The following PTPN4 variants were observed in gnomAD, a reference collection of about 807,000 sequenced individuals.
PTPN4 encodes the protein protein tyrosine phosphatase non-receptor type 4.
Under a neutral mutation model 135.5 loss-of-function variants are expected in PTPN4, and 49 were observed. That is an observed-to-expected ratio of 0.36 (90% CI 0.29 to 0.46). The LOEUF is 0.46. Ranked by LOEUF, PTPN4 falls within the 20% of genes least tolerant of loss-of-function variation. The probability of loss-of-function intolerance (pLI) is 1.00; values close to 1 mark genes in which losing one functional copy is unlikely to be tolerated. For missense variants in PTPN4, 860 were observed against 1,101.0 expected, an observed-to-expected ratio of 0.78 and a Z score of 3.10; for synonymous variants, 333 against 369.9, an observed-to-expected ratio of 0.90 and a Z score of 1.14.
rs776397158 is a variant in PTPN4 at position 119,932,545 on chromosome 2, A to G, written c.1192A>G (p.Asn398Asp). The change falls in exon 14 of 27, where the codon AAT (asparagine) becomes GAT (aspartate). Residue 398 changes from asparagine (N) to aspartate (D), a missense_variant. Coordinates refer to ENST00000263708, the MANE Select transcript of PTPN4 (RefSeq NM_002830.4). ...LPSRSPPGTPNHRNSTFTQEG... is the reference protein window; with the variant it reads ...LPSRSPPGTPDHRNSTFTQEG... ...ATCACGATCTCCACCGGGAACTCCT[A>G]ATCAGTAAGTGTGAATTTTGTGACC... is the stretch of plus-strand genomic sequence containing the variant. 5.0e-6 allele frequency: 8 copies of G among 1,604,504 alleles called. No individual in the cohort carries two copies. The South Asian group carries it at 9.0e-5, about 18-fold the overall frequency.
chr2:119,795,939 G>A (rs1156588377), intron 1 of PTPN4, among the ~76,000 whole-genome samples: 1 of 152,206 alleles, frequency 6.6e-6, no homozygotes, highest in African/African-American at 2.4e-5. Context: ...CTGCAGCCAG[G>A]CAAACCCTGC....
At chr2:119,842,498 C>G (rs2104971247) in intron 2 of PTPN4, among the ~76,000 whole-genome samples, 2 of 152,212 alleles carry the variant, frequency 1.3e-5, no homozygotes, top group Middle Eastern at 3.4e-3. Flanking sequence ...CAACCGTTTT[C>G]ATGGTGGAAA....
chr2:119,796,303 CTATT>C (rs1334475629), intron 1 of PTPN4, among the ~76,000 whole-genome samples: 2 of 152,218 alleles, frequency 1.3e-5, no homozygotes, highest in Non-Finnish European at 2.9e-5. Context: ...ATGAACATAT[CTATT>C]ACTCCTGAAA....
intron 1 of PTPN4, among the ~76,000 whole-genome samples, chr2:119,797,916 C>T (rs974332678): frequency 3.3e-5 from 5 of 151,838 alleles, no homozygotes; most frequent in South Asian, 2.1e-4. Flanking sequence ...TTTTATAGTT[C>T]GAACATCATT....
intron 1 of PTPN4, among the ~76,000 whole-genome samples, chr2:119,780,772 T>C (rs138680579): frequency 1.3e-5 from 2 of 152,330 alleles, no homozygotes; most frequent in African/African-American, 2.4e-5. Context: ...TGTAAAGATA[T>C]CGTTTCCCCT....
At chr2:119,764,600 A>G (rs1690572155) in intron 1 of PTPN4, among the ~76,000 whole-genome samples, 1 of 152,082 alleles carries the variant, frequency 6.6e-6, no homozygotes. Context: ...CCTAAGGTTA[A>G]TATATGCTTG....
At chr2:119,820,749 T>G (rs951389424) in intron 2 of PTPN4, among the ~76,000 whole-genome samples, 23 of 152,192 alleles carry the variant, frequency 1.5e-4, no homozygotes, top group Non-Finnish European at 2.9e-4. Flanking sequence ...TTTGAGTCTT[T>G]GCCCTTATTA....
At chr2:119,796,387 G>A (rs1691260818) in intron 1 of PTPN4, among the ~76,000 whole-genome samples, 1 of 152,194 alleles carries the variant, frequency 6.6e-6, no homozygotes, top group Admixed American at 6.5e-5. Context: ...CCAGGGAACT[G>A]CTGGTCTGCT....
chr2:119,925,820 A>G (rs527612252), intron 12 of PTPN4, among the ~76,000 whole-genome samples: 19 of 152,322 alleles, frequency 1.2e-4, no homozygotes, highest in Non-Finnish European at 2.5e-4. Flanking sequence ...CTCTGTTCCA[A>G]AGTATCCAGA....
intron 2 of PTPN4, among the ~76,000 whole-genome samples, chr2:119,858,927 C>G (rs566758680): frequency 1.3e-5 from 2 of 152,266 alleles, no homozygotes; most frequent in South Asian, 2.1e-4. Flanking sequence ...AGCCACCGCA[C>G]CCGGCCCTTT....
At chr2:119,798,109 T>C (rs1207027137) in intron 1 of PTPN4, among the ~76,000 whole-genome samples, 6 of 152,084 alleles carry the variant, frequency 3.9e-5, no homozygotes, top group Admixed American at 1.3e-4. Flanking sequence ...TTAAAAGAAA[T>C]GGGCTCTTTC....
chr2:119,852,994 T>A (rs1162800166), intron 2 of PTPN4, among the ~76,000 whole-genome samples: 1 of 152,238 alleles, frequency 6.6e-6, no homozygotes, highest in African/African-American at 2.4e-5. Context: ...ACACACTATG[T>A]GATTTCAGTT....
intron 2 of PTPN4, among the ~76,000 whole-genome samples, chr2:119,815,211 T>C (rs1676967706): frequency 6.6e-6 from 1 of 152,222 alleles, no homozygotes; most frequent in Non-Finnish European, 1.5e-5. Flanking sequence ...ACTCTGTGAC[T>C]ATACACAAGT....
At chr2:119,934,401 G>C (rs1678951344) in intron 14 of PTPN4, among the ~76,000 whole-genome samples, 2 of 152,008 alleles carry the variant, frequency 1.3e-5, no homozygotes, top group Non-Finnish European at 2.9e-5. Context: ...CTACTCTAAG[G>C]CTTCAAAGAA....
chr2:119,766,465 TG>T (rs1558718948), intron 1 of PTPN4, among the ~76,000 whole-genome samples: 4 of 124,476 alleles, frequency 3.2e-5, no homozygotes, highest in Admixed American at 1.5e-4. Context: ...TGTGTGTGTG[TG>T]TGTGTGTGTG....
chr2:119,972,588 A>G (rs575519948), intron 26 of PTPN4, among the ~76,000 whole-genome samples: 1 of 152,250 alleles, frequency 6.6e-6, no homozygotes, highest in South Asian at 2.1e-4. Flanking sequence ...TAGAACCTCC[A>G]GTACAATGTT....
chr2:119,781,375 A>G (rs941650338), intron 1 of PTPN4, among the ~76,000 whole-genome samples: 3 of 152,192 alleles, frequency 2.0e-5, no homozygotes, highest in African/African-American at 7.2e-5. Flanking sequence ...CAGTACTGCA[A>G]CCATCTCTGA....
chr2:119,949,098 A>G (rs1352423218), intron 18 of PTPN4, among the ~76,000 whole-genome samples: 1 of 152,164 alleles, frequency 6.6e-6, no homozygotes, highest in Non-Finnish European at 1.5e-5. Context: ...TATTCTATAG[A>G]TATATTCATT....
intron 3 of PTPN4, among the ~76,000 whole-genome samples, chr2:119,876,371 A>T (rs1010391731): frequency 2.0e-5 from 3 of 152,206 alleles, no homozygotes; most frequent in African/African-American, 7.2e-5. Context: ...ATAAATTGAT[A>T]AATTCTAGAT....
Sources: allele counts gnomAD v4.1 joint callset (sites outside exome capture counted in the v4.1 genomes callset), GRCh38; gene constraint gnomAD v4.1.1; transcripts MANE v1.5; gene names NCBI Gene and HGNC (gene_info 2026-07-23, HGNC 2026-07-21).